Variants in SNTG1 observed in about 807,000 individuals in gnomAD.
SNTG1 encodes the protein syntrophin gamma 1.
SNTG1 carries 39 observed loss-of-function variants against 74.7 expected under a neutral mutation model. That is an observed-to-expected ratio of 0.52 (90% CI 0.40 to 0.68). The LOEUF (loss-of-function observed/expected upper bound fraction) is 0.68. SNTG1 is among the 30% of genes least tolerant of loss of function. The probability of loss-of-function intolerance (pLI) is 0.00; values close to 1 mark genes in which losing one functional copy is unlikely to be tolerated. For missense variants in SNTG1, 685 were observed against 609.5 expected, an observed-to-expected ratio of 1.12 and a Z score of -1.30; for synonymous variants, 254 against 217.1, an observed-to-expected ratio of 1.17 and a Z score of -1.49.
intron 1 of SNTG1, among the ~76,000 whole-genome samples, chr8:50,013,990 T>G (rs901574277): frequency 6.6e-6 from 1 of 152,144 alleles, no homozygotes; most frequent in Admixed American, 6.6e-5. Flanking sequence ...AACCCATTTT[T>G]GATCTCAGAA....
At chr8:50,048,730 C>T (rs1451281662) in intron 1 of SNTG1, among the ~76,000 whole-genome samples, 2 of 151,988 alleles carry the variant, frequency 1.3e-5, no homozygotes, top group Non-Finnish European at 1.5e-5. Flanking sequence ...ATATCATAAA[C>T]CTATTTTTTA....
At chr8:50,673,850 C>G (rs2131358584) in intron 15 of SNTG1, among the ~76,000 whole-genome samples, 1 of 152,176 alleles carries the variant, frequency 6.6e-6, no homozygotes, top group Non-Finnish European at 1.5e-5. Context: ...AGATATGTTC[C>G]ATCAATACCT....
intron 8 of SNTG1, among the ~76,000 whole-genome samples, chr8:50,469,829 A>C (rs1256405684): frequency 6.6e-6 from 1 of 152,142 alleles, no homozygotes; most frequent in African/African-American, 2.4e-5. Flanking sequence ...AAATACAAAA[A>C]TTAGCCAGGC....
At position 49,955,828 on chromosome 8, in the gene SNTG1, A is replaced by G. The variant is rs534089587; in HGVS notation, c.-103+43597A>G. 9.9e-5 allele frequency among the ~76,000 whole-genome samples: 15 copies of G among 152,258 alleles called. No individual in the cohort carries two copies. In the South Asian group the frequency reaches 2.9e-3, roughly 29 times the overall value. On this transcript the variant is annotated intron_variant, in intron 1 of 18. Coordinates refer to ENST00000642720, the MANE Select transcript of SNTG1 (RefSeq NM_018967.5). ...ATTCCCTCGCTGTGTCATCATGGAG[A>G]TTAATATCATTTATAAGCTTTTCTC...
chr8:50,640,796 C>A (rs2095067798), intron 13 of SNTG1, among the ~76,000 whole-genome samples: 2 of 152,124 alleles, frequency 1.3e-5, no homozygotes. Flanking sequence ...TTGTCATTAC[C>A]AGTAATTACA....
intron 1 of SNTG1, among the ~76,000 whole-genome samples, chr8:49,996,283 A>G (rs1814207657): frequency 6.6e-6 from 1 of 152,092 alleles, no homozygotes; most frequent in Admixed American, 6.5e-5. Flanking sequence ...AATAACTTGC[A>G]TTACAATTCT....
At chr8:49,931,115 A>T (rs566461513) in intron 1 of SNTG1, among the ~76,000 whole-genome samples, 2 of 152,346 alleles carry the variant, frequency 1.3e-5, no homozygotes, top group African/African-American at 2.4e-5. Flanking sequence ...ATTCTCATGG[A>T]AATGCAAATT....
intron 17 of SNTG1, among the ~76,000 whole-genome samples, chr8:50,723,315 C>T (rs6985954): frequency 0.11 from 16,080 of 152,144 alleles, 2,399 homozygotes; most frequent in African/African-American, 0.33. Flanking sequence ...TCTCTCCTTT[C>T]GACTTGATCT....
intron 4 of SNTG1, among the ~76,000 whole-genome samples, chr8:50,415,779 T>G (rs554356313): frequency 6.6e-6 from 1 of 152,146 alleles, no homozygotes; most frequent in Non-Finnish European, 1.5e-5. Context: ...AAAAAATTAA[T>G]AATAAATTTA....
At chr8:50,436,702 A>G (rs1410497962) in intron 4 of SNTG1, among the ~76,000 whole-genome samples, 1 of 152,186 alleles carries the variant, frequency 6.6e-6, no homozygotes, top group African/African-American at 2.4e-5. Context: ...CTTCTCTTTA[A>G]TGAACCATTT....
chr8:50,047,701 T>C (rs1329490905), intron 1 of SNTG1, among the ~76,000 whole-genome samples: 1 of 152,160 alleles, frequency 6.6e-6, no homozygotes, highest in Non-Finnish European at 1.5e-5. Flanking sequence ...AGTCACCTTC[T>C]GCAAAGTAAG....
chr8:49,961,408 T>C (rs754442285), intron 1 of SNTG1, among the ~76,000 whole-genome samples: 1 of 152,234 alleles, frequency 6.6e-6, no homozygotes, highest in Non-Finnish European at 1.5e-5. Context: ...TGGTGCTTTC[T>C]AACCTGTAGA....
chr8:50,123,087 A>C (rs1253947685), intron 1 of SNTG1, among the ~76,000 whole-genome samples: 2 of 141,970 alleles, frequency 1.4e-5, no homozygotes, highest in Admixed American at 7.2e-5. Flanking sequence ...CAGAGTACAA[A>C]ATCTTAGATG....
At chr8:50,756,543 T>C (rs888946140) in intron 18 of SNTG1, among the ~76,000 whole-genome samples, 22 of 151,810 alleles carry the variant, frequency 1.4e-4, no homozygotes, top group Non-Finnish European at 4.4e-5. Context: ...CTCCATTGTA[T>C]TTTTTTGCTC....
At chr8:50,030,752 AT>A (rs1424245603) in intron 1 of SNTG1, among the ~76,000 whole-genome samples, 1 of 151,948 alleles carries the variant, frequency 6.6e-6, no homozygotes, top group African/African-American at 2.4e-5. Flanking sequence ...AGTGCATAAT[AT>A]TTTTTTAATT....
At chr8:50,474,467 C>A (rs1053960437) in intron 8 of SNTG1, among the ~76,000 whole-genome samples, 4 of 151,748 alleles carry the variant, frequency 2.6e-5, no homozygotes, top group African/African-American at 4.8e-5. Flanking sequence ...CCAAAAGACA[C>A]ATGAAAAAAT....
intron 8 of SNTG1, among the ~76,000 whole-genome samples, chr8:50,487,436 C>G (rs1157305166): frequency 6.6e-6 from 1 of 152,228 alleles, no homozygotes; most frequent in African/African-American, 2.4e-5. Context: ...TTGGAACCAA[C>G]CCAAATGTCC....
At chr8:50,311,452 A>G (rs554580129) in intron 2 of SNTG1, among the ~76,000 whole-genome samples, 10 of 152,366 alleles carry the variant, frequency 6.6e-5, no homozygotes, top group African/African-American at 2.2e-4. Context: ...GGCTTTTGAC[A>G]GAAAGCCTTT....
At chr8:50,709,214 T>C in intron 17 of SNTG1, 2 of 511,670 alleles carry the variant, frequency 3.9e-6, no homozygotes, top group Non-Finnish European at 6.9e-6. Context: ...TTTATAAGTC[T>C]ATCTATGTAT....
Sources: allele counts gnomAD v4.1 joint callset (sites outside exome capture counted in the v4.1 genomes callset), GRCh38; gene constraint gnomAD v4.1.1; transcripts MANE v1.5; gene names NCBI Gene and HGNC (gene_info 2026-07-23, HGNC 2026-07-21).